Variants in SEZ6L observed in about 807,000 individuals in gnomAD.
The protein encoded by SEZ6L is seizure 6-like protein.
Under a neutral mutation model 106.2 loss-of-function variants are expected in SEZ6L, and 37 were observed. The ratio of observed to expected loss-of-function variants is 0.35; its 90% CI spans 0.27 to 0.46. The LOEUF (loss-of-function observed/expected upper bound fraction) is 0.46, where lower values mean the gene tolerates loss of function less well. Ranked by LOEUF, SEZ6L falls within the 20% of genes least tolerant of loss-of-function variation. The pLI is 1.00. For synonymous variants in SEZ6L, 541 were observed against 570.4 expected, an observed-to-expected ratio of 0.95 and a Z score of 0.73; for missense variants, 1,172 against 1,332.8, an observed-to-expected ratio of 0.88 and a Z score of 1.88.
chr22:26,224,109 A>G (rs1273629420), intron 1 of SEZ6L, among the ~76,000 whole-genome samples: 2 of 152,242 alleles, frequency 1.3e-5, no homozygotes, highest in Non-Finnish European at 2.9e-5. Flanking sequence ...TCCTGGAGCC[A>G]ATTGAAAAAT....
chr22:26,271,432 A>G (rs2080363526), intron 1 of SEZ6L, among the ~76,000 whole-genome samples: 1 of 152,184 alleles, frequency 6.6e-6, no homozygotes, highest in Non-Finnish European at 1.5e-5. Context: ...TATTGTTTGG[A>G]TATGTGTCCC....
At chr22:26,307,099 G>A (rs1307824864) in intron 6 of SEZ6L, among the ~76,000 whole-genome samples, 6 of 152,158 alleles carry the variant, frequency 3.9e-5, no homozygotes, top group Non-Finnish European at 7.3e-5. Flanking sequence ...GAAACCTCTG[G>A]GCAATGTGTT....
intron 15 of SEZ6L, 72 bp downstream of exon 15, chr22:26,375,761 C>A: frequency 9.0e-7 from 1 of 1,110,602 alleles, no homozygotes. Context: ...GGCGGTTCAC[C>A]TCTCTGAGCC....
intron 11 of SEZ6L, among the ~76,000 whole-genome samples, chr22:26,348,871 A>G: frequency 2.2e-5 from 1 of 45,936 alleles, no homozygotes; most frequent in African/African-American, 1.0e-4. Flanking sequence ...AGGGTGAGGG[A>G]AGGGGAGTGA....
chr22:26,330,266 C>A (rs1228540151), intron 9 of SEZ6L, among the ~76,000 whole-genome samples: 2 of 63,086 alleles, frequency 3.2e-5, no homozygotes, highest in Admixed American at 1.2e-4. Flanking sequence ...ATATAACCAG[C>A]TGCTTGAGCT....
intron 10 of SEZ6L, among the ~76,000 whole-genome samples, chr22:26,341,189 C>A (rs907039245): frequency 6.6e-6 from 1 of 152,086 alleles, no homozygotes; most frequent in African/African-American, 2.4e-5. Context: ...ACTTTAGGAG[C>A]TATAGATGCA....
In SEZ6L at chr22:26,169,646, G is replaced by A. The variant is rs1374536773; in HGVS notation, c.-24G>A. 2 of 1,025,294 alleles carry A rather than the reference G, an allele frequency of 2.0e-6. No homozygotes were observed. Among genetic ancestry groups the A allele is most frequent in the Non-Finnish European group, 2.6e-6 (2 of 764,570 alleles). 63.5% of individuals were successfully genotyped at this position (1,025,294 alleles called of 1,614,324 possible). A position where few individuals can be genotyped will look rare whatever the true frequency, so the allele number is the denominator to read the frequency against. On this transcript the variant is annotated 5_prime_UTR_variant, in exon 1 of 17. Coordinates refer to ENST00000248933, the MANE Select transcript of SEZ6L (RefSeq NM_021115.5). The stretch of plus-strand genomic sequence containing the variant: ...GCCGTCCGCCCGCCCCACAGCCAGC[G>A]GCTCCGCGCCCCCTGCAGCCACGAT...
chr22:26,295,235 A>T (rs2081267675), intron 3 of SEZ6L, among the ~76,000 whole-genome samples: 1 of 152,236 alleles, frequency 6.6e-6, no homozygotes. Flanking sequence ...ATTTGGCCAC[A>T]GCCCAGCAGA....
At chr22:26,205,474 C>T (rs1602026389) in intron 1 of SEZ6L, among the ~76,000 whole-genome samples, 1 of 152,236 alleles carries the variant, frequency 6.6e-6, no homozygotes, top group East Asian at 1.9e-4. Flanking sequence ...AGCCTTGCTT[C>T]AATTCAGTTT....
At chr22:26,333,770 C>G (rs1164791666) in intron 9 of SEZ6L, among the ~76,000 whole-genome samples, 1 of 152,140 alleles carries the variant, frequency 6.6e-6, no homozygotes, top group Non-Finnish European at 1.5e-5. Flanking sequence ...AGGGTGAGCA[C>G]AAGGGCTGCA....
At chr22:26,273,004 C>T (rs2080418468) in intron 1 of SEZ6L, among the ~76,000 whole-genome samples, 1 of 152,228 alleles carries the variant, frequency 6.6e-6, no homozygotes, top group African/African-American at 2.4e-5. Flanking sequence ...ATGTAAAACA[C>T]TTAGCACATT....
intron 1 of SEZ6L, among the ~76,000 whole-genome samples, chr22:26,254,947 A>C (rs1001106516): frequency 6.6e-6 from 1 of 152,142 alleles, no homozygotes; most frequent in Non-Finnish European, 1.5e-5. Context: ...TCAGAATTCT[A>C]TCACCTGGTC....
At position 26,311,191 on chromosome 22, in the gene SEZ6L, G is replaced by A. The variant is rs191078863; in HGVS notation, c.1681+355G>A. Among the ~76,000 whole-genome samples the A allele has an allele frequency of 1.1e-3, 162 of 152,280 alleles. 1 individual carries two copies. The highest frequency in any genetic ancestry group is 1.9e-3 in the Non-Finnish European group (127 of 68,020). The stretch of plus-strand genomic sequence containing the variant: ...GGGTGACCGGCCCAAGACCACCAGT[G>A]AACAAGGGTGGAGTTAAGATTTCTG... On this transcript the variant is annotated intron_variant, in intron 7 of 16. Transcript: ENST00000248933.
intron 12 of SEZ6L, 22 bp downstream of exon 12, chr22:26,351,265 G>A (rs1287233556): frequency 6.2e-7 from 1 of 1,607,598 alleles, no homozygotes; most frequent in Non-Finnish European, 8.5e-7. Context: ...TTAATGAATT[G>A]GGCCCCCAGT....
intron 13 of SEZ6L, among the ~76,000 whole-genome samples, chr22:26,369,819 T>G (rs73415322): frequency 0.038 from 5,723 of 151,196 alleles, 348 homozygotes; most frequent in African/African-American, 0.13. Flanking sequence ...GTTTTGTCAT[T>G]TTGCCCAAGC....
intron 1 of SEZ6L, among the ~76,000 whole-genome samples, chr22:26,254,524 G>C (rs776013290): frequency 6.6e-6 from 1 of 152,080 alleles, no homozygotes; most frequent in Non-Finnish European, 1.5e-5. Flanking sequence ...AGGCCACGGC[G>C]GGAGGATTGC....
intron 9 of SEZ6L, among the ~76,000 whole-genome samples, chr22:26,333,927 C>T (rs758510965): frequency 6.6e-6 from 1 of 152,040 alleles, no homozygotes; most frequent in Non-Finnish European, 1.5e-5. Context: ...CCAAGAGCAT[C>T]GTGCTTTGGA....
intron 12 of SEZ6L, among the ~76,000 whole-genome samples, chr22:26,362,040 C>A (rs1301042835): frequency 1.3e-5 from 2 of 150,562 alleles, no homozygotes; most frequent in Non-Finnish European, 3.0e-5. Context: ...AAAAAAAATA[C>A]ATCAAAGCAC....
At chr22:26,298,223 A>G (rs1452640563) in intron 4 of SEZ6L, among the ~76,000 whole-genome samples, 1 of 152,174 alleles carries the variant, frequency 6.6e-6, no homozygotes, top group Non-Finnish European at 1.5e-5. Context: ...CATGAACTTG[A>G]ATGTATTCCT....
Sources: gnomAD v4.1 joint callset for allele counts (sites outside exome capture counted in the v4.1 genomes callset) on GRCh38, gnomAD v4.1.1 for gene constraint, MANE v1.5 for transcripts, NCBI Gene and HGNC (gene_info 2026-07-23, HGNC 2026-07-21) for gene names.